EXOC4: variants seen among roughly 807,000 people sequenced by gnomAD.
EXOC4 encodes exocyst complex component 4.
In EXOC4, 71 loss-of-function variants were observed where a neutral mutation model predicts 107.2. That is an observed-to-expected ratio of 0.66 (90% CI 0.55 to 0.81). The LOEUF (loss-of-function observed/expected upper bound fraction) is 0.81, where lower values mean the gene tolerates loss of function less well. Among genes scored for constraint, EXOC4 ranks in the 30% least tolerant of loss-of-function variants. EXOC4 has a pLI of 0.00. For missense variants in EXOC4, 1,108 were observed against 1,189.6 expected (o/e 0.93, Z 1.01); for synonymous variants, 456 against 441.2 (o/e 1.03, Z -0.42).
At chr7:133,686,910 A>G (rs56004163) in intron 10 of EXOC4, among the ~76,000 whole-genome samples, 1,781 of 152,218 alleles carry the variant, frequency 0.012, 19 homozygotes, top group Non-Finnish European at 0.019. Flanking sequence ...TTGCACATGC[A>G]TGTTTGTAGC....
In EXOC4 at chr7:133,877,447, A is replaced by G. The variant is rs538473164; in HGVS notation, c.1735-18152A>G. Among the ~76,000 whole-genome samples the G allele has an allele frequency of 8.5e-5, 13 of 152,266 alleles. 1 individual carries two copies. In the South Asian group the frequency reaches 2.1e-3, roughly 24 times the overall value. On this transcript the variant is annotated intron_variant, in intron 11 of 17. Transcript: ENST00000253861. ...ATTTAAGCTATTTAGAATTATTTTC[A>G]TCATGTCAACCTTGCTTCTAGGCTT... is the stretch of plus-strand genomic sequence containing the variant.
At chr7:133,833,770 G>A (rs1797860363) in intron 11 of EXOC4, among the ~76,000 whole-genome samples, 1 of 152,034 alleles carries the variant, frequency 6.6e-6, no homozygotes, top group Admixed American at 6.5e-5. Context: ...TTGCCATGTT[G>A]GCCATGCTGG....
intron 9 of EXOC4, among the ~76,000 whole-genome samples, chr7:133,605,896 A>G (rs1801933921): frequency 6.6e-6 from 1 of 152,062 alleles, no homozygotes; most frequent in South Asian, 2.1e-4. Context: ...AGGTCAGAAA[A>G]ATGAGGTGGA....
At chr7:134,069,518 G>A (rs149826363), downstream of EXOC4, among the ~76,000 whole-genome samples, 3,270 of 150,834 alleles carry the variant, frequency 0.022, 118 homozygotes, top group African/African-American at 0.074. Flanking sequence ...TCTTCTTTGA[G>A]ACAAGGTCTC....
At chr7:133,931,209 G>A (rs940595772) in intron 13 of EXOC4, among the ~76,000 whole-genome samples, 2 of 152,108 alleles carry the variant, frequency 1.3e-5, no homozygotes, top group African/African-American at 4.8e-5. Context: ...AAGGCATAAG[G>A]TTAATGACCA....
intron 10 of EXOC4, among the ~76,000 whole-genome samples, chr7:133,681,609 A>G (rs984476282): frequency 6.6e-6 from 1 of 152,180 alleles, no homozygotes; most frequent in Non-Finnish European, 1.5e-5. Context: ...TTGTAACACC[A>G]TGATTCAATT....
At chr7:133,340,051 A>C (rs927144667) in intron 5 of EXOC4, among the ~76,000 whole-genome samples, 4 of 152,056 alleles carry the variant, frequency 2.6e-5, no homozygotes, top group Non-Finnish European at 4.4e-5. Context: ...AGTATGTTGA[A>C]CAGAAGACGT....
chr7:134,059,302 A>G (rs1449574660), intron 17 of EXOC4, among the ~76,000 whole-genome samples: 1 of 152,212 alleles, frequency 6.6e-6, no homozygotes, highest in Non-Finnish European at 1.5e-5. Context: ...TGCACTGAGT[A>G]TGCCAACTTG....
At chr7:133,881,984 T>C (rs1198115014) in intron 11 of EXOC4, among the ~76,000 whole-genome samples, 12 of 152,150 alleles carry the variant, frequency 7.9e-5, no homozygotes, top group Non-Finnish European at 1.5e-4. Flanking sequence ...CCAGATGCCT[T>C]TCCCAGTCAA....
intron 7 of EXOC4, among the ~76,000 whole-genome samples, chr7:133,441,230 A>G (rs1461674789): frequency 6.6e-6 from 1 of 152,230 alleles, no homozygotes; most frequent in African/African-American, 2.4e-5. Flanking sequence ...TTGGAGAAGT[A>G]GTACCAGAAA....
intron 10 of EXOC4, among the ~76,000 whole-genome samples, chr7:133,773,727 T>TA (rs1363362751): frequency 7.9e-5 from 12 of 152,156 alleles, no homozygotes; most frequent in Admixed American, 3.3e-4. Context: ...TGCACTTATG[T>TA]ACTCATTCAT....
chr7:133,725,998 G>T (rs370476706), intron 10 of EXOC4, among the ~76,000 whole-genome samples: 1 of 152,270 alleles, frequency 6.6e-6, no homozygotes, highest in East Asian at 1.9e-4. Flanking sequence ...GGAAAGACTT[G>T]GATAGAAGCA....
chr7:133,345,095 A>C (rs775554173), intron 5 of EXOC4, among the ~76,000 whole-genome samples: 1 of 152,186 alleles, frequency 6.6e-6, no homozygotes. Flanking sequence ...TCAGCCTGAG[A>C]GTTTCCAAAG....
intron 9 of EXOC4, among the ~76,000 whole-genome samples, chr7:133,532,963 A>G (rs1295730842): frequency 6.6e-6 from 1 of 152,062 alleles, no homozygotes; most frequent in Non-Finnish European, 1.5e-5. Context: ...TGAAAATTGC[A>G]TGGCTGGAGC....
intron 7 of EXOC4, among the ~76,000 whole-genome samples, chr7:133,439,245 G>A (rs1798047281): frequency 1.4e-5 from 2 of 146,900 alleles, no homozygotes; most frequent in Admixed American, 6.9e-5. Flanking sequence ...AGTGCAGTGG[G>A]GCGATCTCGG....
intron 17 of EXOC4, among the ~76,000 whole-genome samples, chr7:134,039,003 G>A (rs949587441): frequency 6.6e-6 from 1 of 152,150 alleles, no homozygotes; most frequent in Non-Finnish European, 1.5e-5. Context: ...GAGATCCTGA[G>A]GTTTCTGCCT....
At chr7:133,717,096 C>T (rs991808373) in intron 10 of EXOC4, among the ~76,000 whole-genome samples, 4 of 151,836 alleles carry the variant, frequency 2.6e-5, no homozygotes, top group Non-Finnish European at 5.9e-5. Flanking sequence ...ATTGGTATCC[C>T]GAATAGATTC....
At chr7:134,054,713 A>C (rs1379352286) in intron 17 of EXOC4, among the ~76,000 whole-genome samples, 1 of 151,992 alleles carries the variant, frequency 6.6e-6, no homozygotes, top group Non-Finnish European at 1.5e-5. Context: ...GAATAAATTC[A>C]TTTTGCTAGT....
At chr7:133,903,313 A>T (rs1336019649) in intron 12 of EXOC4, among the ~76,000 whole-genome samples, 1 of 152,204 alleles carries the variant, frequency 6.6e-6, no homozygotes, top group African/African-American at 2.4e-5. Flanking sequence ...AAGTATTGAA[A>T]ATAGGCTTTA....
Sources: allele counts gnomAD v4.1 joint callset (sites outside exome capture counted in the v4.1 genomes callset), GRCh38; gene constraint gnomAD v4.1.1; transcripts MANE v1.5; gene names NCBI Gene and HGNC (gene_info 2026-07-23, HGNC 2026-07-21).